CNTNAP2: variants seen among roughly 807,000 people sequenced by gnomAD.
CNTNAP2 encodes the protein contactin associated protein 2, also known as contactin-associated protein-like 2.
Under a neutral mutation model 155.2 loss-of-function variants are expected in CNTNAP2, and 98 were observed. That is an observed-to-expected ratio of 0.63 (90% confidence interval 0.54 to 0.75). CNTNAP2 has a LOEUF of 0.75. Ranked by LOEUF, CNTNAP2 falls within the 30% of genes least tolerant of loss-of-function variation. The probability of loss-of-function intolerance (pLI) is 0.00; values close to 1 mark genes in which losing one functional copy is unlikely to be tolerated. For missense variants in CNTNAP2, 1,727 were observed against 1,688.1 expected, an observed-to-expected ratio of 1.02 and a Z score of -0.40; for synonymous variants, 651 against 631.2, an observed-to-expected ratio of 1.03 and a Z score of -0.47.
intron 8 of CNTNAP2, among the ~76,000 whole-genome samples, chr7:147,234,502 T>C (rs1803757620): frequency 6.6e-6 from 1 of 151,886 alleles, no homozygotes; most frequent in African/African-American, 2.4e-5. Flanking sequence ...CATGCCCAGC[T>C]AATTGTTTTT....
At chr7:148,104,661 T>A (rs1423676328) in intron 15 of CNTNAP2, among the ~76,000 whole-genome samples, 2 of 152,154 alleles carry the variant, frequency 1.3e-5, no homozygotes, top group African/African-American at 4.8e-5. Context: ...AGAAATTAGA[T>A]GCCAAAAGGA....
Position 147,187,376 on chromosome 7 carries a change from C to T in CNTNAP2, c.1348+54867C>T, listed in dbSNP as rs1002836855. Among the ~76,000 whole-genome samples the T allele has an allele frequency of 6.6e-5, 10 of 151,992 alleles. No homozygotes were observed. In the East Asian group the frequency reaches 7.8e-4, roughly 12 times the overall value. ...GAGAATCAACTCAGGTGCCCATCAA[C>T]GGTAGACTGGTTAAAGAAAATATGG... On this transcript the variant is annotated intron_variant, in intron 8 of 23. Coordinates refer to ENST00000361727, the MANE Select transcript of CNTNAP2 (RefSeq NM_014141.6).
Position 146,422,017 on chromosome 7 carries a change from T to C in CNTNAP2, c.97+305044T>C, listed in dbSNP as rs111412390. 6.6e-3 allele frequency among the ~76,000 whole-genome samples: 997 copies of C among 152,036 alleles called. 10 individuals carry two copies. The highest frequency in any genetic ancestry group is 0.022 in the African/African-American group (907 of 41,552). ...ACTGCATTCTATTCAACAAAAGTGA[T>C]ACCAGTGCATCATTTCCATATGGGT... On this transcript the variant is annotated intron_variant, in intron 1 of 23. Coordinates refer to ENST00000361727, the MANE Select transcript of CNTNAP2 (RefSeq NM_014141.6).
chr7:147,271,209 T>A (rs1025905807), intron 8 of CNTNAP2, among the ~76,000 whole-genome samples: 33 of 152,206 alleles, frequency 2.2e-4, no homozygotes, highest in Admixed American at 1.6e-3. Flanking sequence ...TAAGTTGATA[T>A]TCCTTTAAAA....
intron 8 of CNTNAP2, among the ~76,000 whole-genome samples, chr7:147,187,376 C>A (rs1002836855): frequency 1.3e-5 from 2 of 151,992 alleles, no homozygotes; most frequent in African/African-American, 2.4e-5. Flanking sequence ...TGCCCATCAA[C>A]GGTAGACTGG....
At chr7:147,225,802 A>AAG (rs1803515340) in intron 8 of CNTNAP2, among the ~76,000 whole-genome samples, 15 of 94,874 alleles carry the variant, frequency 1.6e-4, no homozygotes, top group South Asian at 3.4e-4. Context: ...AAGGAAGGAA[A>AAG]GAAAGAAAGA....
chr7:147,195,074 A>C (rs765614102), intron 8 of CNTNAP2, among the ~76,000 whole-genome samples: 6 of 152,110 alleles, frequency 3.9e-5, no homozygotes, highest in Non-Finnish European at 8.8e-5. Flanking sequence ...TAAGTCTTTA[A>C]TCCATCTTGA....
intron 12 of CNTNAP2, among the ~76,000 whole-genome samples, chr7:147,636,880 G>T (rs1795189680): frequency 6.6e-6 from 1 of 152,150 alleles, no homozygotes; most frequent in South Asian, 2.1e-4. Context: ...GCAGAGAGCA[G>T]CTGTAGAATA....
At chr7:146,170,671 C>G (rs1346372258) in intron 1 of CNTNAP2, among the ~76,000 whole-genome samples, 1 of 151,964 alleles carries the variant, frequency 6.6e-6, no homozygotes, top group Non-Finnish European at 1.5e-5. Flanking sequence ...ATATGAATGG[C>G]TTTTAGAGCT....
At chr7:147,597,141 T>A (rs1217895955) in intron 12 of CNTNAP2, among the ~76,000 whole-genome samples, 1 of 152,202 alleles carries the variant, frequency 6.6e-6, no homozygotes, top group Non-Finnish European at 1.5e-5. Context: ...TTTTTATGCC[T>A]TTACTTTCTT....
chr7:147,498,790 T>A (rs528960520), intron 11 of CNTNAP2, among the ~76,000 whole-genome samples: 1 of 152,296 alleles, frequency 6.6e-6, no homozygotes, highest in African/African-American at 2.4e-5. Context: ...AAGTGGTAGT[T>A]TTTTTTCCCA....
chr7:147,661,408 C>T (rs28729422), intron 13 of CNTNAP2, among the ~76,000 whole-genome samples: 2 of 152,084 alleles, frequency 1.3e-5, no homozygotes, highest in Non-Finnish European at 2.9e-5. Context: ...TGCTGTCTAA[C>T]GAACCTTCAC....
intron 3 of CNTNAP2, among the ~76,000 whole-genome samples, chr7:146,855,839 A>ATG (rs2129204054): frequency 9.7e-6 from 1 of 103,508 alleles, no homozygotes; most frequent in East Asian, 2.7e-4. Context: ...ATATATATAT[A>ATG]TATATATATA....
chr7:146,748,482 T>C (rs1162579206), intron 1 of CNTNAP2, among the ~76,000 whole-genome samples: 1 of 152,070 alleles, frequency 6.6e-6, no homozygotes, highest in Non-Finnish European at 1.5e-5. Context: ...TTGCTGGGGA[T>C]TCAAAGCCTA....
At position 147,977,922 on chromosome 7, in the gene CNTNAP2, T is replaced by C. The variant is rs1429216808; in HGVS notation, c.2316T>C (p.Val772=). 5 of 1,614,050 alleles carry C rather than the reference T, an allele frequency of 3.1e-6. No individual in the cohort carries two copies. The African/African-American group carries it at 5.3e-5, about 17-fold the overall frequency. ...KDHLPVSQVV[V]GDTDRQGSEA... ...ACCTGCCAGTGAGCCAAGTGGTGGT[T>C]GGAGATACTGACCGTCAAGGCTCAG... Residue 772 remains valine (V), a synonymous_variant, in exon 15 of 24, where the codon GTT becomes GTC. Coordinates refer to ENST00000361727, the MANE Select transcript of CNTNAP2 (RefSeq NM_014141.6).
intron 16 of CNTNAP2, among the ~76,000 whole-genome samples, chr7:148,119,705 T>A (rs1052518324): frequency 2.0e-5 from 3 of 152,218 alleles, no homozygotes; most frequent in Admixed American, 1.3e-4. Context: ...AATTGCTCAA[T>A]CTCTTTGAAT....
rs145409937 is a variant in CNTNAP2, at chr7:146,308,748, G to A, written c.97+191775G>A. Among the ~76,000 whole-genome samples the A allele has an allele frequency of 3.3e-3, 498 of 152,098 alleles. 2 individuals are homozygous for A. Among genetic ancestry groups the A allele is most frequent in the African/African-American group, 0.012 (480 of 41,460 alleles). ...AAGGACAGAAAACCAAACACCACATGTTCTCACTGATAGGTGGTAATTGAA... is the reference window on the plus strand; with the variant it reads ...AAGGACAGAAAACCAAACACCACATATTCTCACTGATAGGTGGTAATTGAA... On this transcript the variant is annotated intron_variant, in intron 1 of 23. Coordinates refer to ENST00000361727, the MANE Select transcript of CNTNAP2 (RefSeq NM_014141.6).
chr7:147,225,435 G>C (rs1231567530), intron 8 of CNTNAP2, among the ~76,000 whole-genome samples: 1 of 152,080 alleles, frequency 6.6e-6, no homozygotes, highest in East Asian at 1.9e-4. Context: ...GTCCCTTTCG[G>C]TGTAGGGATA....
At chr7:146,925,942 C>T (rs1269419844) in intron 3 of CNTNAP2, among the ~76,000 whole-genome samples, 3 of 152,092 alleles carry the variant, frequency 2.0e-5, no homozygotes, top group African/African-American at 7.2e-5. Context: ...GGTCCCTCTA[C>T]TTCATTCTTT....
Sources: gnomAD v4.1 joint callset for allele counts (sites outside exome capture counted in the v4.1 genomes callset) on GRCh38, gnomAD v4.1.1 for gene constraint, MANE v1.5 for transcripts, NCBI Gene and HGNC (gene_info 2026-07-23, HGNC 2026-07-21) for gene names.